TBXAS1: variants seen among roughly 807,000 people sequenced by gnomAD.
TBXAS1 encodes the protein thromboxane A synthase 1.
TBXAS1 carries 48 observed loss-of-function variants against 60.7 expected under a neutral mutation model. That is an observed-to-expected ratio of 0.79 (90% confidence interval 0.63 to 1.01). The LOEUF (loss-of-function observed/expected upper bound fraction) is 1.01. Among genes scored for constraint, TBXAS1 ranks in the 50% least tolerant of loss-of-function variants. The pLI is 0.00. For synonymous variants in TBXAS1, 287 were observed against 269.7 expected (o/e 1.06, Z -0.63); for missense variants, 685 against 686.3 (o/e 1.00, Z 0.02).
intron 4 of TBXAS1, chr7:139,789,218 C>T (rs1797299801): frequency 6.6e-6 from 1 of 150,598 alleles, no homozygotes; most frequent in African/African-American, 2.4e-5. Context: ...TTTAATCTCT[C>T]TCTCTCTCTC....
At chr7:140,015,624 CT>C (rs1814966009) in intron 10 of TBXAS1, 98 bp from the exon 11 acceptor site, 28 of 1,390,070 alleles carry the variant, frequency 2.0e-5, no homozygotes, top group Non-Finnish European at 2.6e-5. Context: ...CTGCCTGCCC[CT>C]GATCCCCTTC....
intron 4 of TBXAS1, among the ~76,000 whole-genome samples, chr7:139,925,295 A>T (rs528388565): frequency 2.0e-5 from 3 of 151,794 alleles, no homozygotes; most frequent in African/African-American, 7.3e-5. Flanking sequence ...ATATCTTTCC[A>T]TTTTTTTTGT....
rs77644786 is a variant in TBXAS1, at chr7:139,942,508, C to A, written c.450+6201C>A. Among the ~76,000 whole-genome samples, 1,128 of 152,260 alleles carry A rather than the reference C, an allele frequency of 7.4e-3. 13 individuals are homozygous for A. The highest frequency in any genetic ancestry group is 0.026 in the African/African-American group (1,063 of 41,544). ...AGACTAAGCTTCAAACCTCATTAAC[C>A]ATGGATCCAATCCAATATGGCAGCT... On this transcript the variant is annotated intron_variant, in intron 5 of 12. Coordinates refer to ENST00000448866, the MANE Select transcript of TBXAS1 (RefSeq NM_001061.7).
chr7:139,799,921 C>T (rs373370122), intron 4 of TBXAS1, among the ~76,000 whole-genome samples: 8 of 152,340 alleles, frequency 5.3e-5, no homozygotes, highest in African/African-American at 1.7e-4. Context: ...GCCCATATCC[C>T]ATCACCCTCT....
chr7:139,883,462 G>A (rs1341660031), intron 3 of TBXAS1, among the ~76,000 whole-genome samples: 1 of 152,152 alleles, frequency 6.6e-6, no homozygotes, highest in Non-Finnish European at 1.5e-5. Context: ...TATGGGTGAT[G>A]GTTGCTGCAT....
intron 1 of TBXAS1, among the ~76,000 whole-genome samples, chr7:139,838,361 A>G (rs1351537404): frequency 6.6e-6 from 1 of 152,192 alleles, no homozygotes; most frequent in African/African-American, 2.4e-5. Flanking sequence ...TGCCTAACAA[A>G]TGCTGACTGA....
intron 8 of TBXAS1, among the ~76,000 whole-genome samples, chr7:139,959,541 G>A (rs1316516080): frequency 6.6e-6 from 1 of 152,132 alleles, no homozygotes; most frequent in Non-Finnish European, 1.5e-5. Flanking sequence ...TTCTTCTCCA[G>A]TGCACGGGCC....
At chr7:139,974,546 A>C (rs1811434450) in intron 9 of TBXAS1, among the ~76,000 whole-genome samples, 1 of 152,186 alleles carries the variant, frequency 6.6e-6, no homozygotes, top group Non-Finnish European at 1.5e-5. Context: ...ACCTGCTGGC[A>C]ATGTGACGTG....
At chr7:139,818,340 C>A (rs1006568173) in intron 4 of TBXAS1, among the ~76,000 whole-genome samples, 1 of 152,116 alleles carries the variant, frequency 6.6e-6, no homozygotes, top group African/African-American at 2.4e-5. Context: ...GTACAGAGAC[C>A]ACCAGTACAG....
intron 9 of TBXAS1, 85 bp downstream of exon 9, chr7:139,962,318 T>G (rs550697153): frequency 9.4e-6 from 14 of 1,491,486 alleles, no homozygotes; most frequent in Admixed American, 3.6e-5. Context: ...TTATTTTTAA[T>G]GACTTGCTAA....
In TBXAS1 at chr7:139,952,709, C is replaced by T. The variant is rs187151569; in HGVS notation, c.451-659C>T. 2.6e-4 allele frequency: 384 copies of T among 1,505,510 alleles called. 3 individuals carry two copies. The East Asian group carries it at 8.5e-3, about 34-fold the overall frequency. 93.3% of individuals were successfully genotyped at this position (1,505,510 alleles called of 1,614,324 possible). ...TCTGTGTAAGTTAGGAATTTTCTAA[C>T]ATAAAAGTATTTTCCTATTAAAAAA... On this transcript the variant is annotated intron_variant, in intron 5 of 12. Transcript: ENST00000448866.
intron 3 of TBXAS1, among the ~76,000 whole-genome samples, chr7:139,880,731 A>G (rs941770796): frequency 1.3e-5 from 2 of 152,190 alleles, no homozygotes; most frequent in Non-Finnish European, 2.9e-5. Context: ...TTCTCAATTG[A>G]TAAACATCTC....
chr7:139,877,200 G>A (rs967053526), intron 3 of TBXAS1, among the ~76,000 whole-genome samples: 8 of 152,184 alleles, frequency 5.3e-5, no homozygotes, highest in Admixed American at 5.2e-4. Context: ...GGATGGACGA[G>A]CGGGGAGGCA....
intron 4 of TBXAS1, among the ~76,000 whole-genome samples, chr7:139,791,811 T>G (rs569580198): frequency 2.2e-5 from 3 of 133,822 alleles, no homozygotes; most frequent in East Asian, 2.0e-4. Context: ...ATGTTTTGTT[T>G]TTTTTTTTTT....
chr7:139,924,814 A>G (rs1806762339), intron 4 of TBXAS1, among the ~76,000 whole-genome samples: 1 of 152,190 alleles, frequency 6.6e-6, no homozygotes, highest in Admixed American at 6.5e-5. Context: ...TCTTTAATCC[A>G]TTTTGATTCA....
At chr7:139,844,235 C>A (rs184588560) in intron 1 of TBXAS1, among the ~76,000 whole-genome samples, 324 of 152,260 alleles carry the variant, frequency 2.1e-3, no homozygotes, top group Admixed American at 5.8e-3. Context: ...ATCCAACCCC[C>A]AGCAGAGGCA....
chr7:139,865,585 A>AAGG (rs1267186805), intron 1 of TBXAS1, among the ~76,000 whole-genome samples: 1 of 51,168 alleles, frequency 2.0e-5, no homozygotes, highest in Non-Finnish European at 4.1e-5. Context: ...GAGGAAGAAG[A>AAGG]AGGAGGAGGA....
rs551367196 is a variant in TBXAS1, at chr7:139,863,008, G to T, written c.90-9227G>T. ...GTTTTAACTCTGACTCAATTGCTTAGCAGCACCTTGGGTACATTATTTACC... is the reference window on the plus strand; with the variant it reads ...GTTTTAACTCTGACTCAATTGCTTATCAGCACCTTGGGTACATTATTTACC... On this transcript the variant is annotated intron_variant, in intron 1 of 12. Coordinates refer to ENST00000448866, the MANE Select transcript of TBXAS1 (RefSeq NM_001061.7). 2.0e-5 allele frequency among the ~76,000 whole-genome samples: 3 copies of T among 152,234 alleles called. No individual in the cohort carries two copies. The East Asian group carries it at 5.8e-4, about 29-fold the overall frequency.
At chr7:139,902,988 G>A (rs933284650) in intron 3 of TBXAS1, among the ~76,000 whole-genome samples, 1 of 151,944 alleles carries the variant, frequency 6.6e-6, no homozygotes, top group Non-Finnish European at 1.5e-5. Context: ...GTAGTATTTG[G>A]TTACATGAGT....
Sources: allele counts gnomAD v4.1 joint callset (sites outside exome capture counted in the v4.1 genomes callset), GRCh38; gene constraint gnomAD v4.1.1; transcripts MANE v1.5; gene names NCBI Gene and HGNC (gene_info 2026-07-23, HGNC 2026-07-21).